PRKAR1A: variants seen among roughly 807,000 people sequenced by gnomAD.
PRKAR1A encodes protein kinase cAMP-dependent type I regulatory subunit alpha.
A neutral mutation model predicts 52.0 loss-of-function variants in PRKAR1A; 3 were observed. The observed-to-expected ratio is 0.06, with a 90% confidence interval of 0.03 to 0.15. The LOEUF is 0.15. PRKAR1A is among the 10% of genes least tolerant of loss of function. PRKAR1A has a pLI of 1.00. For synonymous variants in PRKAR1A, 188 were observed against 168.4 expected (o/e 1.12, Z -0.90); for missense variants, 240 against 477.4 (o/e 0.50, Z 4.63).
the PRKAR1A span, among the ~76,000 whole-genome samples, chr17:68,487,787 A>G: frequency 2.6e-5 from 4 of 151,252 alleles, no homozygotes; most frequent in African/African-American, 7.3e-5. Flanking sequence ...GCGACAGAGT[A>G]AGACCTCATC....
At position 68,543,683 on chromosome 17, in the gene PRKAR1A, T is replaced by C. The variant is rs2143526006; in HGVS notation, c.974-7401T>C. Reference sequence around the variant, plus strand: ...ATTGTGTCTCTGAAAGTCAATGAAGTAGAAGAAGTCCACTGGTGTCTCCTC... The same window carrying C: ...ATTGTGTCTCTGAAAGTCAATGAAGCAGAAGAAGTCCACTGGTGTCTCCTC... On this transcript the variant is annotated intron_variant, in intron 11 of 11. Transcript: ENST00000585981. 2 of 1,614,046 alleles carry C rather than the reference T, an allele frequency of 1.2e-6. No individual in the cohort carries two copies. Among genetic ancestry groups the C allele is most frequent in the Non-Finnish European group, 8.5e-7 (1 of 1,179,998 alleles).
chr17:68,472,523 G>C, the PRKAR1A span, among the ~76,000 whole-genome samples: 1,361 of 152,262 alleles, frequency 8.9e-3, 19 homozygotes, highest in African/African-American at 0.031. Flanking sequence ...TGCTGTTAAA[G>C]ACACTAAAAC....
chr17:68,489,204 A>ATGGAAAG, the PRKAR1A span, among the ~76,000 whole-genome samples: 8 of 40,740 alleles, frequency 2.0e-4, 1 homozygote, highest in East Asian at 2.0e-3. Context: ...ATATATATAT[A>ATGGAAAG]TATATATATA....
downstream of PRKAR1A, chr17:68,537,357 C>G (rs12952294): frequency 1.5e-6 from 2 of 1,294,982 alleles, no homozygotes; most frequent in Non-Finnish European, 2.2e-6. This position sits in a 1 kb window ranked among gnomAD's most constrained non-coding sequence, Gnocchi z 4.2. Context: ...AAATGTCCTG[C>G]TTCCTTCCTA....
the PRKAR1A span, chr17:68,427,456 AAGC>A: frequency 2.6e-6 from 1 of 381,510 alleles, no homozygotes; most frequent in Non-Finnish European, 4.8e-6. Context: ...TCCTGGGTTC[AAGC>A]GATTCTCCTG....
At chr17:68,426,253 G>GGGGGGA in the PRKAR1A span, 3 of 841,018 alleles carry the variant, frequency 3.6e-6, no homozygotes, top group Non-Finnish European at 3.8e-6. Flanking sequence ...GGGGAGCGGG[G>GGGGGGA]GCTCAAATAA....
the PRKAR1A span, among the ~76,000 whole-genome samples, chr17:68,463,967 C>T: frequency 3.3e-5 from 5 of 152,286 alleles, no homozygotes; most frequent in African/African-American, 1.2e-4. Flanking sequence ...CATTGTTTCC[C>T]AAGTACTTTC....
chr17:68,413,712 C>G, the PRKAR1A span: 3 of 159,898 alleles, frequency 1.9e-5, no homozygotes, highest in Non-Finnish European at 2.7e-5. Context: ...CCTCCCCCAG[C>G]CTCGCTGCCG....
the PRKAR1A span, among the ~76,000 whole-genome samples, chr17:68,481,432 G>T: frequency 3.3e-5 from 5 of 152,144 alleles, no homozygotes; most frequent in Non-Finnish European, 5.9e-5. Context: ...GTCCCATCTG[G>T]GGATGATGGG....
chr17:68,457,512 T>TC, the PRKAR1A span: 65 of 1,057,456 alleles, frequency 6.1e-5, no homozygotes, highest in Middle Eastern at 3.5e-4. Flanking sequence ...GGGTCGCCGG[T>TC]CCTGCCCCGC....
chr17:68,518,276 G>C (rs915346095), intron 2 of PRKAR1A, among the ~76,000 whole-genome samples: 1 of 152,200 alleles, frequency 6.6e-6, no homozygotes, highest in African/African-American at 2.4e-5. Flanking sequence ...GTGGGGACTC[G>C]GTGTGGGGGC....
At chr17:68,497,867 A>C in the PRKAR1A span, among the ~76,000 whole-genome samples, 1 of 152,244 alleles carries the variant, frequency 6.6e-6, no homozygotes, top group African/African-American at 2.4e-5. Flanking sequence ...ATGTGAGAGA[A>C]TATAATGAGT....
chr17:68,449,735 T>C, the PRKAR1A span, among the ~76,000 whole-genome samples: 1 of 152,314 alleles, frequency 6.6e-6, no homozygotes, highest in African/African-American at 2.4e-5. Flanking sequence ...GTGCTTCCTG[T>C]ACAGCCTGCA....
At chr17:68,426,981 G>A in the PRKAR1A span, among the ~76,000 whole-genome samples, 6 of 152,050 alleles carry the variant, frequency 3.9e-5, no homozygotes, top group African/African-American at 1.4e-4. Context: ...TTCAAGGAGA[G>A]CACTCCACCC....
the PRKAR1A span, among the ~76,000 whole-genome samples, chr17:68,505,265 T>G: frequency 3.9e-5 from 6 of 152,082 alleles, no homozygotes; most frequent in Non-Finnish European, 8.8e-5. Context: ...CACTCCAGCT[T>G]AGGTGGCAGA....
At chr17:68,466,774 A>ACC in the PRKAR1A span, among the ~76,000 whole-genome samples, 1 of 152,012 alleles carries the variant, frequency 6.6e-6, no homozygotes, top group African/African-American at 2.4e-5. Flanking sequence ...ATTGAAGTGA[A>ACC]ATTTACATAC....
chr17:68,510,155 TAGACAGAGAGAGAGAGAGAGAGAG>T (rs1408787566), upstream of PRKAR1A, among the ~76,000 whole-genome samples: 1 of 74,374 alleles, frequency 1.3e-5, no homozygotes, highest in Non-Finnish European at 3.0e-5. Context: ...TATATATATG[TAGACAGAGAGAGAGAGAGAGAGAG>T]AGAGAGAGAG....
At chr17:68,419,345 G>C in the PRKAR1A span, among the ~76,000 whole-genome samples, 1 of 152,202 alleles carries the variant, frequency 6.6e-6, no homozygotes, top group African/African-American at 2.4e-5. Context: ...CAGATCATGA[G>C]GTTAGGAGTT....
At chr17:68,483,478 CT>C in the PRKAR1A span, among the ~76,000 whole-genome samples, 1,715 of 152,142 alleles carry the variant, frequency 0.011, 34 homozygotes, top group African/African-American at 0.038. Context: ...AAGACTCCGT[CT>C]TAAAACAAAA....
Sources: gnomAD v4.1 joint callset for allele counts (sites outside exome capture counted in the v4.1 genomes callset) on GRCh38, gnomAD v4.1.1 for gene constraint, Gnocchi (gnomAD v3.1) non-coding constraint, MANE v1.5 for transcripts, NCBI Gene and HGNC (gene_info 2026-07-23, HGNC 2026-07-21) for gene names.